The following REEP5 variants were observed in gnomAD, a reference collection of about 807,000 sequenced individuals.
REEP5 encodes the protein receptor accessory protein 5, also known as receptor expression-enhancing protein 5.
REEP5 carries 24 observed loss-of-function variants against 22.4 expected under a neutral mutation model. The ratio of observed to expected loss-of-function variants is 1.07; its 90% CI spans 0.78 to 1.51. REEP5 has a LOEUF of 1.51. Among genes scored for constraint, REEP5 ranks in the 40% most tolerant of loss-of-function variants. The probability of loss-of-function intolerance (pLI) is 0.00; values close to 1 mark genes in which losing one functional copy is unlikely to be tolerated. For synonymous variants in REEP5, 103 were observed against 88.6 expected, an observed-to-expected ratio of 1.16 and a Z score of -0.92; for missense variants, 252 against 233.0, an observed-to-expected ratio of 1.08 and a Z score of -0.53.
chr5:112,897,447 C>G (rs1768726975), intron 3 of REEP5: 1 of 151,146 alleles, frequency 6.6e-6, no homozygotes, highest in African/African-American at 2.4e-5. Context: ...AAAGTATCTC[C>G]CAGATGTAGA....
chr5:112,909,368 G>A (rs1284001677), intron 2 of REEP5, among the ~76,000 whole-genome samples: 3 of 151,450 alleles, frequency 2.0e-5, no homozygotes, highest in Non-Finnish European at 4.4e-5. Flanking sequence ...TATTATTATA[G>A]GGAGATAAAA....
intron 3 of REEP5, 83 bp downstream of exon 3, chr5:112,902,297 G>T: frequency 7.4e-7 from 1 of 1,344,982 alleles, no homozygotes; most frequent in Non-Finnish European, 1.0e-6. Flanking sequence ...CAGAGCCACA[G>T]ATGCACAACA....
chr5:112,894,770 A>G (rs752640744), intron 3 of REEP5: 2 of 152,248 alleles, frequency 1.3e-5, no homozygotes, highest in Admixed American at 6.5e-5. Context: ...TTACATTGAC[A>G]TGTAATACAT....
chr5:112,917,453 T>C (rs1249301908), intron 2 of REEP5, among the ~76,000 whole-genome samples: 1 of 152,194 alleles, frequency 6.6e-6, no homozygotes, highest in Non-Finnish European at 1.5e-5. Context: ...AAGGAAAATA[T>C]GAAATAAAAA....
intron 4 of REEP5, among the ~76,000 whole-genome samples, chr5:112,880,492 T>A (rs456531): frequency 6.6e-6 from 1 of 152,104 alleles, no homozygotes; most frequent in Admixed American, 6.5e-5. Flanking sequence ...AGCTGCCTGA[T>A]AGTTGCTCTC....
At chr5:112,905,778 G>A (rs953296657) in intron 2 of REEP5, among the ~76,000 whole-genome samples, 7 of 151,872 alleles carry the variant, frequency 4.6e-5, no homozygotes, top group Middle Eastern at 3.2e-3. Flanking sequence ...ACATCATCAT[G>A]CTTGGCTAAC....
rs35202418 is a variant in REEP5 at position 112,878,050 on chromosome 5, GTAAC to G, written c.*732_*735del. On this transcript the variant is annotated 3_prime_UTR_variant, in exon 5 of 5. Transcript: ENST00000379638. ...ATTTCCCGATTTATCACTAGAGTGA[GTAAC>G]TAACTAACTAACTGCTTTATAAAGC... is the stretch of plus-strand genomic sequence containing the variant. 0.58 allele frequency: 88,100 copies of G among 150,664 alleles called. 27,230 individuals carry two copies. Among genetic ancestry groups the G allele is most frequent in the East Asian group, 0.82 (4,200 of 5,116 alleles). 9.3% of individuals were successfully genotyped at this position (150,664 alleles called of 1,614,324 possible). A position where few individuals can be genotyped will look rare whatever the true frequency, so the allele number is the denominator to read the frequency against.
At chr5:112,917,422 G>A (rs153562) in intron 2 of REEP5, among the ~76,000 whole-genome samples, 48,050 of 152,088 alleles carry the variant, frequency 0.32, 7,917 homozygotes, top group Non-Finnish European at 0.36. Flanking sequence ...ATAGTCCCAG[G>A]AAGGTGGCAG....
At chr5:112,903,582 T>A (rs75105231) in intron 2 of REEP5, among the ~76,000 whole-genome samples, 7,930 of 152,136 alleles carry the variant, frequency 0.052, 513 homozygotes, top group East Asian at 0.16. Flanking sequence ...CCTATTGAAA[T>A]AAAAAATTTT....
At chr5:112,906,944 A>C (rs1768968852) in intron 2 of REEP5, among the ~76,000 whole-genome samples, 1 of 152,226 alleles carries the variant, frequency 6.6e-6, no homozygotes, top group Non-Finnish European at 1.5e-5. Context: ...AAAAGAGAAG[A>C]AAAGTTGGAC....
At chr5:112,914,836 G>A (rs1408078969) in intron 2 of REEP5, among the ~76,000 whole-genome samples, 1 of 152,154 alleles carries the variant, frequency 6.6e-6, no homozygotes, top group Non-Finnish European at 1.5e-5. Context: ...TGACTGATAA[G>A]CTCCACTCCC....
chr5:112,921,891 C>G lies in REEP5; in HGVS notation c.118+182G>C, dbSNP rs112741613. On this transcript the variant is annotated intron_variant, in intron 1 of 4. Coordinates refer to ENST00000379638, the MANE Select transcript of REEP5 (RefSeq NM_005669.5). ...CCCCGCGACCCTCAGCCTGGGCAGC[C>G]CCCGCGGGGTCCTCCGATGCCCACG... 391 of 693,522 alleles carry G rather than the reference C, an allele frequency of 5.6e-4. 1 individual carries two copies. In the African/African-American group the frequency reaches 6.4e-3, roughly 11 times the overall value. The allele number at this position is 693,522 out of a possible 1,614,324, so 43.0% of individuals were successfully genotyped here. A position where few individuals can be genotyped will look rare whatever the true frequency, so the allele number is the denominator to read the frequency against.
rs1023990123 is a variant in REEP5, at chr5:112,908,252, C to A, written c.213-5734G>T. 3.3e-5 allele frequency among the ~76,000 whole-genome samples: 5 copies of A among 151,756 alleles called. No homozygotes were observed. The East Asian group carries it at 5.9e-4, about 18-fold the overall frequency. On this transcript the variant is annotated intron_variant, in intron 2 of 4. Coordinates refer to ENST00000379638, the MANE Select transcript of REEP5 (RefSeq NM_005669.5). ...AGTAGCTGGGATTACAGGCACCTGC[C>A]ACCACGCCCCGCTAGTTTTTTTGTA...
In REEP5 at chr5:112,888,094, T is replaced by G. The variant is rs1580733405; in HGVS notation, c.352-911A>C. Among the ~76,000 whole-genome samples the G allele has an allele frequency of 3.9e-5, 6 of 152,232 alleles. No individual in the cohort carries two copies. The South Asian group carries it at 1.2e-3, about 31-fold the overall frequency. On this transcript the variant is annotated intron_variant, in intron 3 of 4. Transcript: ENST00000379638. ...ACTCTACAAAAAAACAGAAGTCACT[T>G]ACAGAGATTCCAAATCAGTATTTTT...
chr5:112,890,603 C>G (rs768740686), intron 3 of REEP5, among the ~76,000 whole-genome samples: 3 of 150,362 alleles, frequency 2.0e-5, no homozygotes, highest in Non-Finnish European at 4.4e-5. Flanking sequence ...GTCTCGAACT[C>G]CTGACCTCAA....
intron 3 of REEP5, among the ~76,000 whole-genome samples, chr5:112,899,818 G>T (rs1388328932): frequency 2.6e-5 from 4 of 152,118 alleles, no homozygotes; most frequent in Non-Finnish European, 5.9e-5. Flanking sequence ...AGTGTTTCGG[G>T]TTTCACATTT....
chr5:112,911,602 G>C (rs1305691164), intron 2 of REEP5, among the ~76,000 whole-genome samples: 1 of 152,122 alleles, frequency 6.6e-6, no homozygotes, highest in Non-Finnish European at 1.5e-5. Context: ...TTCTTACCAT[G>C]CAAAATAGAT....
rs61995949 is a variant in REEP5 at position 112,892,515 on chromosome 5, T to C, written c.352-5332A>G. On this transcript the variant is annotated intron_variant, in intron 3 of 4. Coordinates refer to ENST00000379638, the MANE Select transcript of REEP5 (RefSeq NM_005669.5). ...AATGCCAAGCAGCCCTTTCTCTGTT[T>C]AACGGACGATGGTATGCAGGACGAC... 1.6e-3 allele frequency: 2,587 copies of C among 1,614,180 alleles called. 32 individuals carry two copies. In the African/African-American group the frequency reaches 0.029, roughly 18 times the overall value.
intron 4 of REEP5, among the ~76,000 whole-genome samples, chr5:112,886,683 A>G (rs987751078): frequency 1.3e-5 from 2 of 152,250 alleles, no homozygotes; most frequent in African/African-American, 2.4e-5. Flanking sequence ...GTAATTAAGT[A>G]TAATACAAAA....
Sources: gnomAD v4.1 joint callset for allele counts (sites outside exome capture counted in the v4.1 genomes callset) on GRCh38, gnomAD v4.1.1 for gene constraint, MANE v1.5 for transcripts, NCBI Gene and HGNC (gene_info 2026-07-23, HGNC 2026-07-21) for gene names.